TRAF2: variants seen among roughly 807,000 people sequenced by gnomAD.
The protein encoded by TRAF2 is TNF receptor associated factor 2.
Under a neutral mutation model 55.6 loss-of-function variants are expected in TRAF2, and 6 were observed. The observed-to-expected ratio is 0.11, with a 90% CI of 0.06 to 0.21. The LOEUF is 0.21. Among genes scored for constraint, TRAF2 ranks in the 10% least tolerant of loss-of-function variants. The probability of loss-of-function intolerance (pLI) is 1.00; values close to 1 mark genes in which losing one functional copy is unlikely to be tolerated. For missense variants in TRAF2, 561 were observed against 684.5 expected (o/e 0.82, Z 2.01); for synonymous variants, 329 against 276.3 (o/e 1.19, Z -1.89).
intron 1 of TRAF2, among the ~76,000 whole-genome samples, chr9:136,890,762 G>C (rs904743370): frequency 6.6e-6 from 1 of 152,196 alleles, no homozygotes; most frequent in Non-Finnish European, 1.5e-5. Context: ...GGACCTCAGG[G>C]TCCCCTGACC....
chr9:136,896,065 G>T (rs1264335562), intron 1 of TRAF2, among the ~76,000 whole-genome samples: 1 of 151,950 alleles, frequency 6.6e-6, no homozygotes, highest in African/African-American at 2.4e-5. Context: ...AGGTTGCTCT[G>T]CCTGCAGTCC....
intron 4 of TRAF2, chr9:136,901,990 T>C (rs1849831777): frequency 6.6e-6 from 1 of 152,274 alleles, no homozygotes; most frequent in African/African-American, 2.4e-5. Context: ...GCCCCAGCTG[T>C]GTCTGGGGTG....
chr9:136,913,202 T>C (rs114888625), intron 6 of TRAF2, among the ~76,000 whole-genome samples: 1,888 of 152,008 alleles, frequency 0.012, 40 homozygotes, highest in African/African-American at 0.044. Flanking sequence ...CCACTGATGA[T>C]GAGGCCACCT....
At chr9:136,914,070 G>A (rs1850184450) in intron 6 of TRAF2, among the ~76,000 whole-genome samples, 1 of 152,252 alleles carries the variant, frequency 6.6e-6, no homozygotes, top group Admixed American at 6.5e-5. Context: ...CCCCTTCATG[G>A]TGATGCTGGC....
chr9:136,899,627 C>G lies in TRAF2; in HGVS notation c.222C>G (p.His74Gln), dbSNP rs768498025. ...SGPQNCAACV[H>Q]EGIYEEGISI... is the part of the protein sequence containing the mutation. The stretch of plus-strand genomic sequence containing the variant: ...CTCAGAACTGTGCTGCCTGTGTTCA[C>G]GAGGGCATATATGAAGAAGGCATTT... The change falls in exon 3 of 11, where the codon CAC becomes CAG. Residue 74 changes from histidine (H) to glutamine (Q), a missense_variant. Physicochemically the swap from His to Gln is conservative, Grantham distance 24. Transcript: ENST00000247668. 1 of 1,613,270 alleles carries G rather than the reference C, an allele frequency of 6.2e-7. No individual in the cohort carries two copies. Among genetic ancestry groups the G allele is most frequent in the Non-Finnish European group, 8.5e-7 (1 of 1,179,398 alleles).
intron 1 of TRAF2, among the ~76,000 whole-genome samples, chr9:136,897,089 C>T (rs1262525642): frequency 6.6e-6 from 1 of 152,184 alleles, no homozygotes; most frequent in African/African-American, 2.4e-5. Context: ...ACAGGGGCTC[C>T]ATGTTCAGAA....
intron 5 of TRAF2, among the ~76,000 whole-genome samples, chr9:136,908,646 C>CACG (rs1398011551): frequency 6.6e-6 from 1 of 152,146 alleles, no homozygotes; most frequent in East Asian, 1.9e-4. Flanking sequence ...GCGGGCAGAT[C>CACG]ACGAGGTCAG....
chr9:136,924,633 C>T (rs940300292), intron 10 of TRAF2, among the ~76,000 whole-genome samples: 2 of 152,122 alleles, frequency 1.3e-5, no homozygotes, highest in African/African-American at 2.4e-5. Context: ...CCCAGGACTC[C>T]AGATGTTGAT....
Position 136,898,768 on chromosome 9 carries a change from G to C in TRAF2, c.28G>C (p.Gly10Arg). 6.2e-7 allele frequency: 1 copy of C among 1,613,658 alleles called. No individual in the cohort carries two copies. Residue 10 changes from glycine to arginine, a missense_variant, in exon 2 of 11, where the codon GGC becomes CGC. Gly to Arg is a moderately radical substitution (Grantham distance 125). Around this residue, in one of 2 missense-constraint regions of TRAF2, gnomAD observed 426 missense variants for 476.8 expected, o/e 0.89. Coordinates refer to ENST00000247668, the MANE Select transcript of TRAF2 (RefSeq NM_021138.4). ...GGCTGCAGCTAGCGTGACCCCCCCT[G>C]GCTCCCTGGAGTTGCTACAGCCCGG... is the stretch of plus-strand genomic sequence containing the variant. MAAASVTPP[G>R]SLELLQPGFS...
intron 4 of TRAF2, among the ~76,000 whole-genome samples, chr9:136,905,503 G>A (rs1849926379): frequency 6.6e-6 from 1 of 152,236 alleles, no homozygotes; most frequent in South Asian, 2.1e-4. Context: ...GGGAAAGCGT[G>A]ATGGAGGTAG....
chr9:136,898,646 T>G, intron 1 of TRAF2, 67 bp from the exon 2 acceptor site: 20 of 1,575,394 alleles, frequency 1.3e-5, no homozygotes, highest in Admixed American at 5.1e-5. Context: ...CTGATCACCA[T>G]TGGTTTGGTT....
intron 1 of TRAF2, among the ~76,000 whole-genome samples, chr9:136,895,877 G>T (rs1849669386): frequency 3.4e-5 from 5 of 148,644 alleles, no homozygotes; most frequent in Admixed American, 2.7e-4. Flanking sequence ...AAAAGGAATG[G>T]TTCTGAGAAG....
rs7048940 is a variant in TRAF2 at position 136,919,403 on chromosome 9, G to T, written c.679-831G>T. On this transcript the variant is annotated intron_variant, in intron 7 of 10. Coordinates refer to ENST00000247668, the MANE Select transcript of TRAF2 (RefSeq NM_021138.4). ...AACCTCCACCTCCCGGGTTCAAACAGTTCTGCCTCAGCCTCCCAAGTAGCT... is the reference window on the plus strand; with the variant it reads ...AACCTCCACCTCCCGGGTTCAAACATTTCTGCCTCAGCCTCCCAAGTAGCT... Among the ~76,000 whole-genome samples, 13 of 149,192 alleles carry T rather than the reference G, an allele frequency of 8.7e-5. No individual in the cohort carries two copies. In the Admixed American group the frequency reaches 8.7e-4, roughly 10 times the overall value.
intron 4 of TRAF2, among the ~76,000 whole-genome samples, chr9:136,904,862 C>T (rs1469597266): frequency 1.3e-5 from 2 of 152,094 alleles, no homozygotes; most frequent in Non-Finnish European, 2.9e-5. Context: ...GGTCCTGTCC[C>T]GTCAGTGGGT....
In TRAF2 at chr9:136,925,616, G is replaced by C. The variant is rs1850511491; in HGVS notation, c.1288-67G>C. The C allele has an allele frequency of 4.5e-6, 7 of 1,540,620 alleles. No homozygotes were observed. In the Admixed American group the frequency reaches 1.2e-4, roughly 27 times the overall value. ...CTGCTGGTGGCCCTGCCAGTGTCCA[G>C]ACCCTCGGGAGCCAGAGAGAGACGG... is the stretch of plus-strand genomic sequence containing the variant. On this transcript the variant is annotated intron_variant, in intron 10 of 10. Transcript: ENST00000247668.
chr9:136,901,424 C>T (rs1284831971), intron 4 of TRAF2, among the ~76,000 whole-genome samples: 8 of 152,194 alleles, frequency 5.3e-5, no homozygotes, highest in Non-Finnish European at 1.0e-4. Flanking sequence ...GGATATGATT[C>T]AGCCTTAAAA....
At chr9:136,895,850 GAAAAAA>G (rs56199191) in intron 1 of TRAF2, among the ~76,000 whole-genome samples, 10 of 132,898 alleles carry the variant, frequency 7.5e-5, no homozygotes, top group African/African-American at 8.5e-5. Flanking sequence ...TCTGTTTAAG[GAAAAAA>G]AAAAAAAAAA....
At chr9:136,903,256 G>A (rs547752695) in intron 4 of TRAF2, among the ~76,000 whole-genome samples, 2 of 152,260 alleles carry the variant, frequency 1.3e-5, no homozygotes, top group Admixed American at 6.5e-5. Context: ...TGGCCAAATC[G>A]AATAATTTTA....
intron 4 of TRAF2, among the ~76,000 whole-genome samples, chr9:136,905,500 C>T (rs570599144): frequency 5.9e-5 from 9 of 152,070 alleles, no homozygotes; most frequent in Admixed American, 2.6e-4. Context: ...AATGGGAAAG[C>T]GTGATGGAGG....
Sources: gnomAD v4.1 joint callset for allele counts (sites outside exome capture counted in the v4.1 genomes callset) on GRCh38, gnomAD v4.1.1 for gene constraint, gnomAD v4.1.1 regional missense constraint, MANE v1.5 for transcripts, NCBI Gene and HGNC (gene_info 2026-07-23, HGNC 2026-07-21) for gene names.